Variants in PRMT8 observed in about 807,000 individuals in gnomAD.
PRMT8 encodes the protein protein arginine methyltransferase 8, also known as protein arginine N-methyltransferase 8.
Under a neutral mutation model 47.1 loss-of-function variants are expected in PRMT8, and 7 were observed. The observed-to-expected ratio is 0.15, with a 90% CI of 0.08 to 0.28. The LOEUF (loss-of-function observed/expected upper bound fraction) is 0.28. PRMT8 is among the 10% of genes least tolerant of loss of function. The probability of loss-of-function intolerance (pLI) is 1.00; values close to 1 mark genes in which losing one functional copy is unlikely to be tolerated. For missense variants in PRMT8, 237 were observed against 505.4 expected (o/e 0.47, Z 5.09); for synonymous variants, 188 against 186.5 (o/e 1.01, Z -0.07).
At chr12:3,429,645 A>G (rs1864652615) in intron 1 of PRMT8, among the ~76,000 whole-genome samples, 1 of 152,258 alleles carries the variant, frequency 6.6e-6, no homozygotes, top group Non-Finnish European at 1.5e-5. Context: ...CAGGCATGTC[A>G]TGGGTGATCA....
At chr12:3,405,225 C>A (rs1226746836) in intron 1 of PRMT8, among the ~76,000 whole-genome samples, 2 of 152,156 alleles carry the variant, frequency 1.3e-5, no homozygotes, top group Non-Finnish European at 2.9e-5. Flanking sequence ...ATAAAACCAT[C>A]AGATCTTGTG....
At chr12:3,429,146 C>T (rs939980784) in intron 1 of PRMT8, among the ~76,000 whole-genome samples, 5 of 152,090 alleles carry the variant, frequency 3.3e-5, no homozygotes, top group South Asian at 2.1e-4. Context: ...GTGGGTGGGG[C>T]GGAGGGGGAT....
At chr12:3,491,135 A>G (rs1865388021), upstream of PRMT8, 3 of 984,530 alleles carry the variant, frequency 3.0e-6, no homozygotes, top group Non-Finnish European at 2.4e-6. Context: ...CGCCGGCTCC[A>G]GCGAACCTCC....
At chr12:3,541,933 T>TTGTGTGCG (rs1321520484) in intron 2 of PRMT8, among the ~76,000 whole-genome samples, 16 of 152,208 alleles carry the variant, frequency 1.1e-4, no homozygotes, top group African/African-American at 3.9e-4. Context: ...GACGGTTTTT[T>TTGTGTGCG]TGTGTGCGTG....
intron 1 of PRMT8, among the ~76,000 whole-genome samples, chr12:3,532,609 CTCA>C (rs1866049584): frequency 1.6e-5 from 1 of 60,622 alleles, no homozygotes; most frequent in Non-Finnish European, 2.9e-5. Context: ...AAGACTCCGT[CTCA>C]AAAAAAAAAA....
chr12:3,568,379 G>A (rs1866770767), intron 4 of PRMT8, among the ~76,000 whole-genome samples: 1 of 124,264 alleles, frequency 8.0e-6, no homozygotes. Context: ...TCGTGGACCT[G>A]TGCAGTTCAA....
chr12:3,491,389 G>C lies in PRMT8; in HGVS notation c.-237G>C. ...GGGGCGGGGAGGGGGTCGGGGGCAC[G>C]AGAAGAACTTGAAACCGTGTGAAGG... On this transcript the variant is annotated 5_prime_UTR_variant, in exon 1 of 10. Transcript: ENST00000382622. 5 of 1,230,160 alleles carry C rather than the reference G, an allele frequency of 4.1e-6. No homozygotes were observed. The highest frequency in any genetic ancestry group is 5.1e-6 in the Non-Finnish European group (5 of 984,118). 76.2% of individuals were successfully genotyped at this position (1,230,160 alleles called of 1,614,324 possible).
At chr12:3,582,792 A>C (rs1867092628) in intron 7 of PRMT8, among the ~76,000 whole-genome samples, 1 of 151,900 alleles carries the variant, frequency 6.6e-6, no homozygotes, top group Non-Finnish European at 1.5e-5. Flanking sequence ...GTAGCCCCAA[A>C]CCCTGGAAGA....
intron 8 of PRMT8, among the ~76,000 whole-genome samples, chr12:3,584,066 C>G (rs923887502): frequency 6.6e-6 from 1 of 152,216 alleles, no homozygotes; most frequent in African/African-American, 2.4e-5. Context: ...GCAGCCATAA[C>G]AAAATACCCA....
In PRMT8 at chr12:3,491,460, C is replaced by T. The variant is rs1245524568; in HGVS notation, c.-166C>T. 1.4e-6 allele frequency: 2 copies of T among 1,431,364 alleles called. No homozygotes were observed. The highest frequency in any genetic ancestry group is 1.8e-6 in the Non-Finnish European group (2 of 1,096,152). 88.7% of individuals were successfully genotyped at this position (1,431,364 alleles called of 1,614,324 possible). A position where few individuals can be genotyped will look rare whatever the true frequency, so the allele number is the denominator to read the frequency against. Reference sequence around the variant, plus strand: ...GGAGGAAAATAAAAGAAAGTGGAGACTGCAGAACAGACTCCGCTGTGGCTG... The same window carrying T: ...GGAGGAAAATAAAAGAAAGTGGAGATTGCAGAACAGACTCCGCTGTGGCTG... On this transcript the variant is annotated 5_prime_UTR_variant, in exon 1 of 10. Coordinates refer to ENST00000382622, the MANE Select transcript of PRMT8 (RefSeq NM_019854.5).
intron 1 of PRMT8, among the ~76,000 whole-genome samples, chr12:3,466,964 G>A (rs1013356796): frequency 5.3e-5 from 8 of 152,280 alleles, no homozygotes; most frequent in South Asian, 2.1e-4. Flanking sequence ...ATGACTGGGC[G>A]CGGTAGCTCA....
chr12:3,585,847 T>C (rs547600138), intron 8 of PRMT8, among the ~76,000 whole-genome samples: 75 of 152,112 alleles, frequency 4.9e-4, no homozygotes, highest in African/African-American at 1.7e-3. Flanking sequence ...TCTTGAAGGA[T>C]TGGGAAGACT....
At chr12:3,447,481 C>A (rs1864870483) in intron 1 of PRMT8, among the ~76,000 whole-genome samples, 1 of 152,094 alleles carries the variant, frequency 6.6e-6, no homozygotes, top group African/African-American at 2.4e-5. Context: ...GCTGAGGCGC[C>A]CCCCTCTCCC....
At chr12:3,470,397 G>A (rs753108874) in intron 1 of PRMT8, among the ~76,000 whole-genome samples, 59 of 152,202 alleles carry the variant, frequency 3.9e-4, no homozygotes, top group Non-Finnish European at 7.6e-4. Context: ...TCCAGGTGGA[G>A]GGAAGAGGTC....
intron 1 of PRMT8, among the ~76,000 whole-genome samples, chr12:3,477,189 G>T (rs1189260848): frequency 6.6e-6 from 1 of 152,192 alleles, no homozygotes; most frequent in Non-Finnish European, 1.5e-5. Context: ...CTGTTTCCTG[G>T]TCATTCTCCA....
intron 2 of PRMT8, 107 bp from the exon 3 acceptor site, chr12:3,549,829 C>T (rs1433129601): frequency 1.5e-5 from 19 of 1,264,542 alleles, no homozygotes; most frequent in Middle Eastern, 2.3e-4. Flanking sequence ...ATGATATTAT[C>T]GGGTCTCCTG....
chr12:3,454,479 C>G (rs1318596381), intron 1 of PRMT8, among the ~76,000 whole-genome samples: 1 of 152,040 alleles, frequency 6.6e-6, no homozygotes, highest in Non-Finnish European at 1.5e-5. Flanking sequence ...AGGGGGGTGT[C>G]TAGGAAGGAA....
At chr12:3,467,553 C>T (rs992372997) in intron 1 of PRMT8, among the ~76,000 whole-genome samples, 3 of 152,084 alleles carry the variant, frequency 2.0e-5, no homozygotes, top group Non-Finnish European at 2.9e-5. Context: ...GGTGAACCTC[C>T]GCAAAGCTCA....
At chr12:3,541,145 A>G (rs907418618) in intron 2 of PRMT8, among the ~76,000 whole-genome samples, 4 of 152,348 alleles carry the variant, frequency 2.6e-5, no homozygotes, top group South Asian at 4.1e-4. Context: ...CCAGGAGCTC[A>G]AATGCTGCAG....
Sources: allele counts gnomAD v4.1 joint callset (sites outside exome capture counted in the v4.1 genomes callset), GRCh38; gene constraint gnomAD v4.1.1; transcripts MANE v1.5; gene names NCBI Gene and HGNC (gene_info 2026-07-23, HGNC 2026-07-21).